The following HRH4 variants were observed in gnomAD, a reference collection of about 807,000 sequenced individuals.
HRH4 encodes the protein histamine receptor H4.
A neutral mutation model predicts 10.4 loss-of-function variants in HRH4; 12 were observed. The ratio of observed to expected loss-of-function variants is 1.15; its 90% confidence interval spans 0.74 to 1.87. The LOEUF (loss-of-function observed/expected upper bound fraction) is 1.87. Among genes scored for constraint, HRH4 ranks in the 40% most tolerant of loss-of-function variants. HRH4 has a pLI of 0.00. For missense variants in HRH4, 415 were observed against 453.3 expected, an observed-to-expected ratio of 0.92 and a Z score of 0.77; for synonymous variants, 154 against 166.6, an observed-to-expected ratio of 0.92 and a Z score of 0.58.
chr18:24,476,333 A>G lies in HRH4; in HGVS notation c.358-414A>G, dbSNP rs73943460. Among the ~76,000 whole-genome samples the G allele has an allele frequency of 9.9e-3, 1,505 of 152,302 alleles. 21 individuals are homozygous for G. The highest frequency in any genetic ancestry group is 0.034 in the African/African-American group (1,433 of 41,552). On this transcript the variant is annotated intron_variant, in intron 2 of 2. Coordinates refer to ENST00000256906, the MANE Select transcript of HRH4 (RefSeq NM_021624.4). ...AGAACACCTACCCTCACTATATGTGATGCATTCTGACATCAACTATTCTAT... is the reference window on the plus strand; with the variant it reads ...AGAACACCTACCCTCACTATATGTGGTGCATTCTGACATCAACTATTCTAT...
chr18:24,473,935 C>T (rs925445725), intron 2 of HRH4, among the ~76,000 whole-genome samples: 4 of 150,302 alleles, frequency 2.7e-5, no homozygotes, highest in Admixed American at 6.7e-5. Flanking sequence ...AGAGCTAGGC[C>T]GCTGCGGGAT....
chr18:24,477,769 C>A lies in HRH4; in HGVS notation c.*207C>A. The A allele has an allele frequency of 2.4e-6, 1 of 420,808 alleles. No homozygotes were observed. The highest frequency in any genetic ancestry group is 7.9e-5 in the South Asian group (1 of 12,592). The allele number at this position is 420,808 out of a possible 1,614,324, so 26.1% of individuals were successfully genotyped here. ...TAATAGTACTATATTCTTCTTAGTC[C>A]TCACCTCTTCCTTGTCTTTTAGATC... On this transcript the variant is annotated 3_prime_UTR_variant, in exon 3 of 3. Coordinates refer to ENST00000256906, the MANE Select transcript of HRH4 (RefSeq NM_021624.4).
intron 2 of HRH4, among the ~76,000 whole-genome samples, chr18:24,473,965 G>A (rs1163750463): frequency 2.6e-4 from 10 of 38,476 alleles, no homozygotes; most frequent in African/African-American, 9.0e-4. Flanking sequence ...ACCACTCCAC[G>A]CAGCCTGGTT....
At chr18:24,473,024 G>A (rs868244057) in intron 2 of HRH4, among the ~76,000 whole-genome samples, 2 of 151,978 alleles carry the variant, frequency 1.3e-5, no homozygotes, top group African/African-American at 2.4e-5. Context: ...GCTTGGTGGC[G>A]GGCGCCTGTA....
chr18:24,465,592 T>C (rs920834573), intron 1 of HRH4, among the ~76,000 whole-genome samples: 2 of 152,164 alleles, frequency 1.3e-5, no homozygotes, highest in Non-Finnish European at 2.9e-5. Context: ...GAATCGAAGG[T>C]GTAGAAACAC....
At chr18:24,476,086 T>C (rs1201138813) in intron 2 of HRH4, among the ~76,000 whole-genome samples, 1 of 152,204 alleles carries the variant, frequency 6.6e-6, no homozygotes, top group Non-Finnish European at 1.5e-5. Context: ...TGAGAGTCTT[T>C]CTGTTTTTGA....
Position 24,476,735 on chromosome 18 carries a change from G to C in HRH4, c.358-12G>C. On this transcript the variant is annotated splice_polypyrimidine_tract_variant and intron_variant, in intron 2 of 2. Coordinates refer to ENST00000256906, the MANE Select transcript of HRH4 (RefSeq NM_021624.4). Reference sequence around the variant, plus strand: ...ACATTCATTATATTGAAAATAATTTGGTTTCTTCTAGGTGTCTTATAGAAC... The same window carrying C: ...ACATTCATTATATTGAAAATAATTTCGTTTCTTCTAGGTGTCTTATAGAAC... The C allele has an allele frequency of 6.4e-7, 1 of 1,569,016 alleles. No individual in the cohort carries two copies. Among genetic ancestry groups the C allele is most frequent in the Admixed American group, 1.7e-5 (1 of 57,412 alleles).
intron 1 of HRH4, among the ~76,000 whole-genome samples, chr18:24,466,561 A>G (rs1909782297): frequency 6.6e-6 from 1 of 152,156 alleles, no homozygotes; most frequent in Non-Finnish European, 1.5e-5. Context: ...AGAACTGACC[A>G]CGCAACTCTT....
At position 24,468,826 on chromosome 18, in the gene HRH4, T is replaced by C. The variant is rs1473374180; in HGVS notation, c.232T>C (p.Phe78Leu). 2 of 1,614,080 alleles carry C rather than the reference T, an allele frequency of 1.2e-6. No individual in the cohort carries two copies. Among genetic ancestry groups the C allele is most frequent in the East Asian group, 4.5e-5 (2 of 44,862 alleles). The change falls in exon 2 of 3, where the codon TTC (phenylalanine) becomes CTC (leucine). Residue 78 changes from phenylalanine (F) to leucine (L), a missense_variant. Coordinates refer to ENST00000256906, the MANE Select transcript of HRH4 (RefSeq NM_021624.4). ...TCCTTTGTACATCCCTCACACGCTG[T>C]TCGAATGGGATTTTGGAAAGGAAAT... Reference protein sequence around the residue: ...SIPLYIPHTLFEWDFGKEICV... With the variant: ...SIPLYIPHTLLEWDFGKEICV...
intron 1 of HRH4, among the ~76,000 whole-genome samples, chr18:24,467,380 GTAAT>G (rs1909804495): frequency 6.6e-6 from 1 of 152,164 alleles, no homozygotes; most frequent in South Asian, 2.1e-4. Context: ...AAAGTAGAAT[GTAAT>G]TAATGCATGA....
At chr18:24,473,029 C>A (rs1910019009) in intron 2 of HRH4, among the ~76,000 whole-genome samples, 1 of 152,108 alleles carries the variant, frequency 6.6e-6, no homozygotes, top group South Asian at 2.1e-4. Context: ...GTGGCGGGCG[C>A]CTGTAATCCC....
At chr18:24,474,218 T>C (rs1474152901) in intron 2 of HRH4, among the ~76,000 whole-genome samples, 1 of 151,868 alleles carries the variant, frequency 6.6e-6, no homozygotes, top group Non-Finnish European at 1.5e-5. Flanking sequence ...AATCATTAGA[T>C]TTAGTGCAAG....
At chr18:24,469,000 T>C in intron 2 of HRH4, 49 bp downstream of exon 2, 1 of 1,456,106 alleles carries the variant, frequency 6.9e-7, no homozygotes, top group South Asian at 1.3e-5. Flanking sequence ...TGTAAATGTA[T>C]ATGATGGGTC....
chr18:24,474,531 T>C (rs1024477510), intron 2 of HRH4, among the ~76,000 whole-genome samples: 1 of 152,086 alleles, frequency 6.6e-6, no homozygotes, highest in Non-Finnish European at 1.5e-5. Context: ...TGAGAAACCA[T>C]TGCAGAACGA....
intron 1 of HRH4, among the ~76,000 whole-genome samples, chr18:24,467,966 G>T (rs908497880): frequency 1.3e-5 from 2 of 152,116 alleles, no homozygotes; most frequent in African/African-American, 2.4e-5. Flanking sequence ...TCCTGTTGGG[G>T]TTAGAGCATG....
chr18:24,479,553 A>G lies in HRH4; in HGVS notation c.*1991A>G, dbSNP rs1910252863. The G allele has an allele frequency of 6.6e-6, 1 of 152,230 alleles. No individual in the cohort carries two copies. Among genetic ancestry groups the G allele is most frequent in the African/African-American group, 2.4e-5 (1 of 41,460 alleles). The allele number at this position is 152,230 out of a possible 1,614,324, so 9.4% of individuals were successfully genotyped here. A position where few individuals can be genotyped will look rare whatever the true frequency, so the allele number is the denominator to read the frequency against. On this transcript the variant is annotated 3_prime_UTR_variant, in exon 3 of 3. Coordinates refer to ENST00000256906, the MANE Select transcript of HRH4 (RefSeq NM_021624.4). ...AGCCCTGACTGCCTAGGCTCCAGCA[A>G]TCTTCTTACGTCAGCCTCCAGAGTA...
intron 1 of HRH4, among the ~76,000 whole-genome samples, chr18:24,465,288 A>C (rs532152427): frequency 2.6e-5 from 4 of 152,060 alleles, no homozygotes; most frequent in Admixed American, 1.3e-4. Flanking sequence ...ACTGCGTCAA[A>C]AAACAAACAA....
At chr18:24,465,132 AC>A (rs1255467083) in intron 1 of HRH4, among the ~76,000 whole-genome samples, 1 of 152,048 alleles carries the variant, frequency 6.6e-6, no homozygotes, top group Non-Finnish European at 1.5e-5. Context: ...TACTAAAAAT[AC>A]AAAAATTAGC....
In HRH4 at chr18:24,468,774, T is replaced by C. The variant is rs1282260995; in HGVS notation, c.194-14T>C. 13 of 1,605,702 alleles carry C rather than the reference T, an allele frequency of 8.1e-6. No homozygotes were observed. The highest frequency in any genetic ancestry group is 1.1e-5 in the Non-Finnish European group (13 of 1,176,806). ...TGTGCGCTATGTTTTTACACTTATGTTTTCCCTGTGCAGGTGTGATCTCCA... is the reference window on the plus strand; with the variant it reads ...TGTGCGCTATGTTTTTACACTTATGCTTTCCCTGTGCAGGTGTGATCTCCA... On this transcript the variant is annotated splice_polypyrimidine_tract_variant and intron_variant, in intron 1 of 2. Transcript: ENST00000256906.
Sources: gnomAD v4.1 joint callset for allele counts (sites outside exome capture counted in the v4.1 genomes callset) on GRCh38, gnomAD v4.1.1 for gene constraint, MANE v1.5 for transcripts, NCBI Gene and HGNC (gene_info 2026-07-23, HGNC 2026-07-21) for gene names.